KDM2B: variants seen among roughly 807,000 people sequenced by gnomAD.
KDM2B encodes lysine-specific demethylase 2B.
Under a neutral mutation model 150.0 loss-of-function variants are expected in KDM2B, and 26 were observed. That is an observed-to-expected ratio of 0.17 (90% CI 0.13 to 0.24). The LOEUF (loss-of-function observed/expected upper bound fraction) is 0.24, where lower values mean the gene tolerates loss of function less well. Among genes scored for constraint, KDM2B ranks in the 10% least tolerant of loss-of-function variants. The pLI is 1.00. For missense variants in KDM2B, 1,265 were observed against 1,816.9 expected (o/e 0.70, Z 5.52); for synonymous variants, 734 against 729.5 (o/e 1.01, Z -0.10).
intron 6 of KDM2B, chr12:121,536,166 C>T (rs1566389610): frequency 2.2e-6 from 2 of 895,058 alleles, no homozygotes; most frequent in Non-Finnish European, 1.3e-6. Context: ...AGGCGGAGGG[C>T]TCCTGGTGCC....
rs1555291947 is a variant in KDM2B, at chr12:121,452,988, G to C, written c.1959+132C>G. On this transcript the variant is annotated intron_variant, in intron 13 of 22. Coordinates refer to ENST00000377071, the MANE Select transcript of KDM2B (RefSeq NM_032590.5). This position sits in a 1 kb window ranked among gnomAD's most constrained non-coding sequence, Gnocchi z 4.4. ...GCCAGCGCCTTCCCGTCCACAGGAA[G>C]AGCTCTCGGGGAGTCCACAGCCCCG... 4.9e-6 allele frequency: 4 copies of C among 808,926 alleles called. No individual in the cohort carries two copies. Among genetic ancestry groups the C allele is most frequent in the Non-Finnish European group, 7.5e-6 (4 of 534,650 alleles). The allele number at this position is 808,926 out of a possible 1,614,324, so 50.1% of individuals were successfully genotyped here.
At chr12:121,534,436 G>A in intron 7 of KDM2B, 61 bp downstream of exon 7, 3 of 1,215,674 alleles carry the variant, frequency 2.5e-6, no homozygotes, top group Admixed American at 1.7e-5. Context: ...AAAGGTAAGT[G>A]AGCCCCTCCC....
chr12:121,418,487 T>C, the KDM2B span: 1 of 152,376 alleles, frequency 6.6e-6, no homozygotes. Flanking sequence ...CGTGAGTGAT[T>C]CTAAACTGCT....
the KDM2B span, among the ~76,000 whole-genome samples, chr12:121,422,096 C>A: frequency 3.2e-4 from 48 of 152,180 alleles, no homozygotes; most frequent in Non-Finnish European, 3.4e-4. Context: ...ATGTAAATAG[C>A]AACTATGTAC....
chr12:121,574,456 C>T (rs1215232514), intron 4 of KDM2B, 91 bp downstream of exon 4: 5 of 1,203,160 alleles, frequency 4.2e-6, no homozygotes, highest in Non-Finnish European at 6.1e-6. Flanking sequence ...TTTTGAGAGG[C>T]AGTTAAAAGT....
At chr12:121,534,166 G>A (rs28470953) in intron 7 of KDM2B, among the ~76,000 whole-genome samples, 67 of 152,232 alleles carry the variant, frequency 4.4e-4, no homozygotes, top group Admixed American at 7.9e-4. Context: ...TGGCTAACAC[G>A]GTGAAACCCC....
intron 9 of KDM2B, chr12:121,516,437 G>T: frequency 2.4e-6 from 3 of 1,276,588 alleles, no homozygotes; most frequent in Non-Finnish European, 3.1e-6. Context: ...AGAGGACTGC[G>T]GGAAACAAAA....
the KDM2B span, among the ~76,000 whole-genome samples, chr12:121,421,112 C>T: frequency 6.6e-6 from 1 of 152,048 alleles, no homozygotes; most frequent in African/African-American, 2.4e-5. Flanking sequence ...TTTGGCCGGC[C>T]AGTACCTTGG....
At position 121,439,922 on chromosome 12, in the gene KDM2B, G is replaced by C; in HGVS notation, c.3764C>G (p.Ser1255Cys). The C allele has an allele frequency of 6.2e-7, 1 of 1,614,244 alleles. No homozygotes were observed. Among genetic ancestry groups the C allele is most frequent in the Non-Finnish European group, 8.5e-7 (1 of 1,180,036 alleles). Residue 1255 changes from serine (S) to cysteine (C), a missense_variant, in exon 22 of 23, where the codon TCT (serine) becomes TGT (cysteine). Around this residue, in one of 11 missense-constraint regions of KDM2B, gnomAD observed 251 missense variants for 397.8 expected, o/e 0.63. Coordinates refer to ENST00000377071, the MANE Select transcript of KDM2B (RefSeq NM_032590.5). ...GCCAACAGCAGTGAGCAGGTTGATA[G>C]ACTGGTCGGTGACGTGGTTACAGTA... ...LSYCNHVTDQ[S>C]INLLTAVGTT...
Position 121,442,115 on chromosome 12 carries a change from G to A in KDM2B, c.3284+42C>T, listed in dbSNP as rs370860783. On this transcript the variant is annotated intron_variant, in intron 19 of 22. Transcript: ENST00000377071. The surrounding 1 kb of genome is among the most constrained non-coding windows in gnomAD (Gnocchi z 7.7). ...CACACCACGGGCCATCCCTGGTGCC[G>A]CCTGAGCCTTAACCTAGAGCCCTAC... The A allele has an allele frequency of 1.9e-6, 3 of 1,557,794 alleles. No homozygotes were observed. Among genetic ancestry groups the A allele is most frequent in the East Asian group, 2.2e-5 (1 of 44,592 alleles).
intron 8 of KDM2B, among the ~76,000 whole-genome samples, chr12:121,524,241 G>A (rs539522791): frequency 2.0e-5 from 3 of 152,246 alleles, no homozygotes; most frequent in Non-Finnish European, 2.9e-5. Flanking sequence ...AGCAAGTCCT[G>A]AATCCATATA....
chr12:121,530,423 T>C (rs1887566779), intron 8 of KDM2B, among the ~76,000 whole-genome samples: 1 of 152,134 alleles, frequency 6.6e-6, no homozygotes, highest in African/African-American at 2.4e-5. Flanking sequence ...ACACCCATCT[T>C]TAGCAAAATT....
intron 22 of KDM2B, among the ~76,000 whole-genome samples, chr12:121,433,643 T>C (rs1403663552): frequency 1.3e-5 from 2 of 152,252 alleles, no homozygotes; most frequent in African/African-American, 4.8e-5. Flanking sequence ...AGCTCAGCAC[T>C]ACCCACAGCA....
intron 4 of KDM2B, among the ~76,000 whole-genome samples, chr12:121,553,456 T>C (rs957228587): frequency 2.4e-4 from 37 of 152,132 alleles, no homozygotes; most frequent in African/African-American, 8.9e-4. Flanking sequence ...CAGCTACCCC[T>C]ACCCACACAC....
At position 121,549,395 on chromosome 12, in the gene KDM2B, C is replaced by T; in HGVS notation, c.576+65G>A. ...TTTTTGCAAGGCACAACCCAGGTGGCAGGGGGACAGGGAAGGAGATGAGGT... is the reference window on the plus strand; with the variant it reads ...TTTTTGCAAGGCACAACCCAGGTGGTAGGGGGACAGGGAAGGAGATGAGGT... On this transcript the variant is annotated intron_variant, in intron 5 of 22. Coordinates refer to ENST00000377071, the MANE Select transcript of KDM2B (RefSeq NM_032590.5). This position sits in a 1 kb window ranked among gnomAD's most constrained non-coding sequence, Gnocchi z 4.4. 1 of 1,445,894 alleles carries T rather than the reference C, an allele frequency of 6.9e-7. No homozygotes were observed. The highest frequency in any genetic ancestry group is 9.4e-7 in the Non-Finnish European group (1 of 1,064,458). 89.6% of individuals were successfully genotyped at this position (1,445,894 alleles called of 1,614,324 possible).
intron 12 of KDM2B, among the ~76,000 whole-genome samples, chr12:121,480,486 C>A (rs1566318875): frequency 6.9e-6 from 1 of 144,004 alleles, no homozygotes; most frequent in Non-Finnish European, 1.5e-5. Context: ...TGGCTCATGT[C>A]TGTAATCCCA....
rs782758349 is a variant in KDM2B at position 121,509,895 on chromosome 12, G to A, written c.1319C>T (p.Thr440Ile). Residue 440 changes from threonine to isoleucine, a missense_variant, in exon 11 of 23, where the codon ACC (threonine) becomes ATC (isoleucine). Coordinates refer to ENST00000377071, the MANE Select transcript of KDM2B (RefSeq NM_032590.5). ...EGRDRAPKPP[T>I]DGSTSPTSTP... ...GCTGGTGGGTGAAGTGGAGCCATCGGTGGGCGGTTTGGGTGCCCTGTCCCT... is the reference window on the plus strand; with the variant it reads ...GCTGGTGGGTGAAGTGGAGCCATCGATGGGCGGTTTGGGTGCCCTGTCCCT... The A allele has an allele frequency of 1.2e-6, 2 of 1,613,290 alleles. No individual in the cohort carries two copies. Among genetic ancestry groups the A allele is most frequent in the South Asian group, 2.2e-5 (2 of 91,024 alleles).
chr12:121,463,143 C>T (rs982292596), intron 12 of KDM2B, among the ~76,000 whole-genome samples: 2 of 152,104 alleles, frequency 1.3e-5, no homozygotes, highest in Non-Finnish European at 2.9e-5. Flanking sequence ...GGTGAAACCC[C>T]GTCTCTACTA....
chr12:121,516,919 G>C, intron 9 of KDM2B: 3 of 661,046 alleles, frequency 4.5e-6, no homozygotes, highest in South Asian at 1.7e-5. Context: ...ATGGTAGGGG[G>C]AAGGGGAGAG....
Sources: gnomAD v4.1 joint callset for allele counts (sites outside exome capture counted in the v4.1 genomes callset) on GRCh38, gnomAD v4.1.1 for gene constraint, gnomAD v4.1.1 regional missense constraint, Gnocchi (gnomAD v3.1) non-coding constraint, MANE v1.5 for transcripts, NCBI Gene and HGNC (gene_info 2026-07-23, HGNC 2026-07-21) for gene names.